The following FKBP3 variants were observed in gnomAD, a reference collection of about 807,000 sequenced individuals.
FKBP3 encodes peptidyl-prolyl cis-trans isomerase FKBP3.
A neutral mutation model predicts 30.6 loss-of-function variants in FKBP3; 21 were observed. That is an observed-to-expected ratio of 0.69 (90% CI 0.49 to 0.99). The LOEUF is 0.99. FKBP3 is among the 50% of genes least tolerant of loss of function. FKBP3 has a pLI of 0.00. For synonymous variants in FKBP3, 82 were observed against 91.3 expected (o/e 0.90, Z 0.58); for missense variants, 283 against 261.6 (o/e 1.08, Z -0.56).
Position 45,134,397 on chromosome 14 carries a change from CA to C in FKBP3, c.59del (p.Leu20ArgfsTer25). On this transcript the variant is annotated frameshift_variant, in exon 1 of 7. Transcript: ENST00000396062. LOFTEE classifies it high-confidence loss of function. Reference sequence around the variant, plus strand: ...GAAACTTGATAATGTCCTTCTTGGGCAGCTGCTCACTGCGCAGCTGCTCCAC... The same window carrying C: ...GAAACTTGATAATGTCCTTCTTGGGCGCTGCTCACTGCGCAGCTGCTCCAC... ...WTVEQLRSEQ[L>X]PKKDIIKFLQ... 1 of 1,613,740 alleles carries C rather than the reference CA, an allele frequency of 6.2e-7. No homozygotes were observed. Among genetic ancestry groups the C allele is most frequent in the Non-Finnish European group, 8.5e-7 (1 of 1,179,796 alleles).
At chr14:45,116,683 C>T (rs868708827) in intron 6 of FKBP3, among the ~76,000 whole-genome samples, 6 of 151,984 alleles carry the variant, frequency 3.9e-5, no homozygotes, top group Non-Finnish European at 5.9e-5. Context: ...CAGTGAAACC[C>T]TGTCTCTACT....
chr14:45,132,276 T>C (rs1182496737), intron 1 of FKBP3, among the ~76,000 whole-genome samples: 1 of 152,174 alleles, frequency 6.6e-6, no homozygotes, highest in Non-Finnish European at 1.5e-5. Flanking sequence ...ATGCTGGTGG[T>C]TTCTTGTTAA....
chr14:45,116,218 C>G lies in FKBP3; in HGVS notation c.655G>C (p.Glu219Gln), dbSNP rs1368077151. Residue 219 changes from glutamate to glutamine, a missense_variant, in exon 7 of 7, where the codon GAA becomes CAA. Glu to Gln is a conservative substitution (Grantham distance 29). Transcript: ENST00000396062. ...PPNAKLTFEV[E>Q]LVDID ...CTATTTCAATCAATATCCACTAATT[C>G]CACTTCAAAAGTGAGTTTTGCATTT... 4 of 1,612,504 alleles carry G rather than the reference C, an allele frequency of 2.5e-6. No homozygotes were observed. The highest frequency in any genetic ancestry group is 1.7e-6 in the Non-Finnish European group (2 of 1,178,908).
intron 5 of FKBP3, among the ~76,000 whole-genome samples, chr14:45,118,918 G>A (rs1463496942): frequency 6.6e-6 from 1 of 152,054 alleles, no homozygotes; most frequent in African/African-American, 2.4e-5. Flanking sequence ...GTGCAATAGC[G>A]TGATCTTGGC....
At chr14:45,117,889 G>C (rs1272037059) in intron 6 of FKBP3, 139 bp downstream of exon 6, 12 of 648,660 alleles carry the variant, frequency 1.8e-5, no homozygotes, top group Non-Finnish European at 3.2e-5. Context: ...TGACACATAA[G>C]CATCTAAAGA....
chr14:45,134,298 G>C, intron 1 of FKBP3, 51 bp downstream of exon 1: 11 of 1,389,650 alleles, frequency 7.9e-6, no homozygotes, highest in African/African-American at 1.4e-5. Context: ...CTCCAGGGGG[G>C]TGAGGCGTCC....
rs1885196141 is a variant in FKBP3 at position 45,130,794 on chromosome 14, C to A, written c.115G>T (p.Ala39Ser). 3 of 1,594,934 alleles carry A rather than the reference C, an allele frequency of 1.9e-6. No homozygotes were observed. Among genetic ancestry groups the A allele is most frequent in the Non-Finnish European group, 1.7e-6 (2 of 1,169,500 alleles). Residue 39 changes from alanine to serine, a missense_variant, in exon 2 of 7, where the codon GCA becomes TCA. Transcript: ENST00000396062. The part of the protein sequence containing the change: ...LQEHGSDSFL[A>S]EHKLLGNIKN... ...ATGTTTCCTAATAATTTATGTTCTG[C>A]AAGAAACTATAAGGAAAAAAGCTGG...
intron 3 of FKBP3, 82 bp downstream of exon 3, chr14:45,129,712 G>T: frequency 1.2e-6 from 1 of 832,050 alleles, no homozygotes; most frequent in Non-Finnish European, 1.8e-6. Context: ...CCTTCACTAT[G>T]AGAAGTTAGT....
rs533628563 is a variant in FKBP3, at chr14:45,128,761, C to G, written c.318+1033G>C. Among the ~76,000 whole-genome samples, 3 of 152,252 alleles carry G rather than the reference C, an allele frequency of 2.0e-5. No homozygotes were observed. In the South Asian group the frequency reaches 6.2e-4, roughly 32 times the overall value. Reference sequence around the variant, plus strand: ...TAAGCTTGCTCTAGATTGTCTCTAGCTCTTATGAATTTACCTTTTATTTTC... The same window carrying G: ...TAAGCTTGCTCTAGATTGTCTCTAGGTCTTATGAATTTACCTTTTATTTTC... On this transcript the variant is annotated intron_variant, in intron 3 of 6. Transcript: ENST00000396062.
At chr14:45,122,616 G>C (rs1280028903) in intron 3 of FKBP3, among the ~76,000 whole-genome samples, 1 of 151,770 alleles carries the variant, frequency 6.6e-6, no homozygotes, top group Non-Finnish European at 1.5e-5. Context: ...TGATTCTCCT[G>C]CCTCAGTCTC....
intron 6 of FKBP3, among the ~76,000 whole-genome samples, chr14:45,117,518 TG>T (rs1884876975): frequency 6.6e-6 from 1 of 152,124 alleles, no homozygotes; most frequent in African/African-American, 2.4e-5. Flanking sequence ...GACTTATCAG[TG>T]AGTATTGTCA....
At chr14:45,121,642 C>T (rs772584792) in intron 3 of FKBP3, 22 bp from the exon 4 acceptor site, 8 of 1,610,006 alleles carry the variant, frequency 5.0e-6, no homozygotes, top group Non-Finnish European at 6.8e-6. Flanking sequence ...AAACAACACA[C>T]ACACACAGAG....
rs1277108554 is a variant in FKBP3 at position 45,120,922 on chromosome 14, T to A, written c.487A>T (p.Ser163Cys). 5.0e-6 allele frequency: 8 copies of A among 1,613,364 alleles called. No individual in the cohort carries two copies. Among genetic ancestry groups the A allele is most frequent in the Non-Finnish European group, 6.8e-6 (8 of 1,179,758 alleles). The change falls in exon 5 of 7, where the codon AGT becomes TGT. Residue 163 changes from serine (S) to cysteine (C), a missense_variant. By Grantham distance (112) the Ser-to-Cys change is moderately radical. Coordinates refer to ENST00000396062, the MANE Select transcript of FKBP3 (RefSeq NM_002013.4). ...AKKKKNAKPL[S>C]FKVGVGKVIR... ...ACTTTGCCTACTCCGACCTTAAAAC[T>A]TAAAGGCTTGGCATTTTTCTTCTTC...
chr14:45,128,885 A>G (rs1375392254), intron 3 of FKBP3, among the ~76,000 whole-genome samples: 7 of 152,254 alleles, frequency 4.6e-5, no homozygotes, highest in Non-Finnish European at 7.3e-5. Context: ...AAACCCTTCA[A>G]TAATAATTGC....
At chr14:45,116,320 G>T in intron 6 of FKBP3, 68 bp from the exon 7 acceptor site, 1 of 1,136,594 alleles carries the variant, frequency 8.8e-7, no homozygotes, top group Non-Finnish European at 1.3e-6. Context: ...CTTAGTGTAG[G>T]ATAGGCTGAC....
chr14:45,119,669 C>A (rs979476521), intron 5 of FKBP3, among the ~76,000 whole-genome samples: 1 of 151,764 alleles, frequency 6.6e-6, no homozygotes, highest in Non-Finnish European at 1.5e-5. Context: ...TTGCTATCAA[C>A]TTGGTACGGG....
intron 3 of FKBP3, among the ~76,000 whole-genome samples, chr14:45,129,244 G>A (rs1490378079): frequency 2.6e-5 from 4 of 152,160 alleles, no homozygotes; most frequent in Non-Finnish European, 5.9e-5. Context: ...AATCAATTCA[G>A]CTCTGCTAAG....
intron 1 of FKBP3, among the ~76,000 whole-genome samples, chr14:45,131,546 G>A (rs1226269192): frequency 6.7e-6 from 1 of 149,548 alleles, no homozygotes; most frequent in Admixed American, 6.7e-5. Context: ...GGAGAATGGC[G>A]TGAACCTGGG....
intron 6 of FKBP3, 112 bp downstream of exon 6, chr14:45,117,916 G>T: frequency 1.3e-6 from 1 of 747,370 alleles, no homozygotes. Context: ...AGACTAGTCT[G>T]GACAGGATTC....
Sources: gnomAD v4.1 joint callset for allele counts (sites outside exome capture counted in the v4.1 genomes callset) on GRCh38, gnomAD v4.1.1 for gene constraint, MANE v1.5 for transcripts, NCBI Gene and HGNC (gene_info 2026-07-23, HGNC 2026-07-21) for gene names.